The following SYCP2L variants were observed in gnomAD, a reference collection of about 807,000 sequenced individuals.
SYCP2L encodes the protein synaptonemal complex protein 2 like.
Under a neutral mutation model 125.8 loss-of-function variants are expected in SYCP2L, and 98 were observed. The ratio of observed to expected loss-of-function variants is 0.78; its 90% CI spans 0.66 to 0.92. The LOEUF (loss-of-function observed/expected upper bound fraction) is 0.92. Ranked by LOEUF, SYCP2L falls within the 40% of genes least tolerant of loss-of-function variation. The pLI, the probability that SYCP2L is intolerant of heterozygous loss-of-function variation, is 0.00. For synonymous variants in SYCP2L, 317 were observed against 325.4 expected (o/e 0.97, Z 0.28); for missense variants, 842 against 936.4 (o/e 0.90, Z 1.32).
chr6:10,961,655 T>C (rs1177958737), intron 28 of SYCP2L, 97 bp downstream of exon 28: 1 of 1,222,470 alleles, frequency 8.2e-7, no homozygotes, highest in Non-Finnish European at 1.2e-6. Context: ...AAAACTCCCA[T>C]AACTAATGAA....
intron 2 of SYCP2L, among the ~76,000 whole-genome samples, chr6:10,892,602 C>T (rs550359138): frequency 2.0e-5 from 3 of 152,264 alleles, no homozygotes; most frequent in Non-Finnish European, 4.4e-5. Context: ...CTGGTAATGG[C>T]AGAGTTTTAA....
At chr6:10,916,231 C>T (rs903455566) in intron 14 of SYCP2L, among the ~76,000 whole-genome samples, 1 of 152,108 alleles carries the variant, frequency 6.6e-6, no homozygotes, top group African/African-American at 2.4e-5. Context: ...GTTAGTCTTA[C>T]TCATGGTCTA....
chr6:10,916,746 TTGGGAGGCCAGGG>T (rs1483920923), intron 14 of SYCP2L, among the ~76,000 whole-genome samples: 8 of 152,226 alleles, frequency 5.3e-5, no homozygotes, highest in Admixed American at 3.9e-4. Flanking sequence ...TCCCGGCACT[TTGGGAGGCCAGGG>T]TGGGCAGATC....
At chr6:10,901,593 G>A (rs1170797398) in intron 6 of SYCP2L, among the ~76,000 whole-genome samples, 1 of 152,166 alleles carries the variant, frequency 6.6e-6, no homozygotes, top group Admixed American at 6.5e-5. Flanking sequence ...GCGCATCAGA[G>A]GGTGTTTGGC....
chr6:10,888,291 T>C (rs1023184756), intron 1 of SYCP2L, among the ~76,000 whole-genome samples: 5 of 151,894 alleles, frequency 3.3e-5, no homozygotes, highest in African/African-American at 1.2e-4. Context: ...GAGACGGGGT[T>C]TCACCATGTT....
rs1223708280 is a variant in SYCP2L, at chr6:10,910,874, G to A, written c.918+5G>A. 3.7e-6 allele frequency: 6 copies of A among 1,613,998 alleles called. No homozygotes were observed. Among genetic ancestry groups the A allele is most frequent in the Non-Finnish European group, 5.1e-6 (6 of 1,179,946 alleles). On this transcript the variant is annotated splice_donor_5th_base_variant and intron_variant, in intron 12 of 29. Transcript: ENST00000283141. The stretch of plus-strand genomic sequence containing the variant: ...GCTTTTGCTGATGAGCATGAGGTAT[G>A]TTCATCCCTCTTGGAGGTCCTGAGG...
At chr6:10,958,614 G>A (rs867863206) in intron 25 of SYCP2L, among the ~76,000 whole-genome samples, 170 bp from the exon 26 acceptor site, 3 of 152,088 alleles carry the variant, frequency 2.0e-5, no homozygotes, top group Middle Eastern at 6.8e-3. Flanking sequence ...TCCTGAACCT[G>A]GGGTAATACC....
chr6:10,955,087 A>G (rs1441714907), intron 23 of SYCP2L, 29 bp from the exon 24 acceptor site: 3 of 1,520,458 alleles, frequency 2.0e-6, no homozygotes, highest in East Asian at 2.3e-5. Flanking sequence ...ATTTCGGGTC[A>G]AAAGGAAATG....
At chr6:10,958,751 T>C (rs747147423) in intron 25 of SYCP2L, 33 bp from the exon 26 acceptor site, 9 of 1,566,834 alleles carry the variant, frequency 5.7e-6, no homozygotes, top group African/African-American at 1.4e-5. Context: ...TTATATTAAA[T>C]GTGATCATCT....
chr6:10,905,921 A>G (rs9357021), intron 8 of SYCP2L, 99 bp from the exon 9 acceptor site: 201,527 of 742,100 alleles, frequency 0.27, 29,021 homozygotes, highest in Middle Eastern at 0.37. Flanking sequence ...AAATAGTTTC[A>G]GAAACATATA....
intron 14 of SYCP2L, among the ~76,000 whole-genome samples, chr6:10,916,254 ATCT>A (rs1780693250): frequency 6.6e-6 from 1 of 152,052 alleles, no homozygotes; most frequent in South Asian, 2.1e-4. Context: ...AGTTTTATTT[ATCT>A]TTTCAAAGAA....
At chr6:10,967,998 C>T (rs1261800329) in intron 29 of SYCP2L, among the ~76,000 whole-genome samples, 1 of 152,190 alleles carries the variant, frequency 6.6e-6, no homozygotes, top group East Asian at 1.9e-4. Context: ...GGTGTTTGCT[C>T]AGGAGTTGTT....
chr6:10,950,257 A>G (rs1781386180), intron 23 of SYCP2L, among the ~76,000 whole-genome samples: 1 of 152,176 alleles, frequency 6.6e-6, no homozygotes, highest in South Asian at 2.1e-4. Context: ...ATTGGGGCTT[A>G]TATTAAGACC....
intron 8 of SYCP2L, among the ~76,000 whole-genome samples, chr6:10,904,911 G>A (rs1266020435): frequency 6.6e-6 from 1 of 151,934 alleles, no homozygotes; most frequent in Non-Finnish European, 1.5e-5. Flanking sequence ...TGAGGCTAAG[G>A]TGGGCGGATC....
chr6:10,890,239 T>C (rs1332623233), intron 1 of SYCP2L, among the ~76,000 whole-genome samples: 1 of 152,216 alleles, frequency 6.6e-6, no homozygotes, highest in Non-Finnish European at 1.5e-5. Flanking sequence ...AGGAGTGGAA[T>C]TGCTGGATTT....
At chr6:10,887,237 C>G in intron 1 of SYCP2L, 102 bp downstream of exon 1, 1 of 1,508,100 alleles carries the variant, frequency 6.6e-7, no homozygotes, top group Non-Finnish European at 9.1e-7. Context: ...GAGGTGTTCG[C>G]TCAGAGACCG....
chr6:10,902,213 T>G (rs1298457103), intron 6 of SYCP2L, among the ~76,000 whole-genome samples: 1 of 152,224 alleles, frequency 6.6e-6, no homozygotes, highest in Non-Finnish European at 1.5e-5. Context: ...TCCATTACAG[T>G]TACTTTCTGT....
intron 29 of SYCP2L, among the ~76,000 whole-genome samples, chr6:10,968,313 T>A (rs1317048650): frequency 6.6e-6 from 1 of 152,186 alleles, no homozygotes. Flanking sequence ...GGATGCTTCA[T>A]GACAGTGTTG....
chr6:10,972,251 G>A (rs1230524909), intron 29 of SYCP2L, among the ~76,000 whole-genome samples: 1 of 152,022 alleles, frequency 6.6e-6, no homozygotes, highest in African/African-American at 2.4e-5. Flanking sequence ...TGAGGAAATA[G>A]CAATAACAAC....
Sources: allele counts gnomAD v4.1 joint callset (sites outside exome capture counted in the v4.1 genomes callset), GRCh38; gene constraint gnomAD v4.1.1; transcripts MANE v1.5; gene names NCBI Gene and HGNC (gene_info 2026-07-23, HGNC 2026-07-21).